Variants in CAB39L observed in about 807,000 individuals in gnomAD.
CAB39L encodes the protein calcium binding protein 39 like, also known as calcium-binding protein 39-like.
Under a neutral mutation model 39.1 loss-of-function variants are expected in CAB39L, and 23 were observed. The ratio of observed to expected loss-of-function variants is 0.59; its 90% CI spans 0.42 to 0.83. The LOEUF is 0.83. CAB39L is among the 40% of genes least tolerant of loss of function. CAB39L has a pLI of 0.00. For synonymous variants in CAB39L, 126 were observed against 137.2 expected, an observed-to-expected ratio of 0.92 and a Z score of 0.57; for missense variants, 366 against 391.9, an observed-to-expected ratio of 0.93 and a Z score of 0.56.
At chr13:49,404,207 T>C (rs1733369295) in intron 3 of CAB39L, among the ~76,000 whole-genome samples, 1 of 152,092 alleles carries the variant, frequency 6.6e-6, no homozygotes, top group South Asian at 2.1e-4. Flanking sequence ...AAAGACTCAG[T>C]AAGGGAAGAG....
intron 9 of CAB39L, among the ~76,000 whole-genome samples, chr13:49,339,194 G>A (rs180733009): frequency 1.0e-3 from 145 of 138,160 alleles, no homozygotes; most frequent in Admixed American, 4.2e-3. Flanking sequence ...ACATTGGCAC[G>A]ATCTTGGCTC....
intron 3 of CAB39L, among the ~76,000 whole-genome samples, chr13:49,423,289 G>A (rs1304393138): frequency 6.6e-6 from 1 of 152,208 alleles, no homozygotes; most frequent in Non-Finnish European, 1.5e-5. Flanking sequence ...CTGGTCCAAT[G>A]ACCACATTTT....
chr13:49,441,232 T>TATATATATATATATAG, intron 1 of CAB39L, among the ~76,000 whole-genome samples: 1 of 135,332 alleles, frequency 7.4e-6, no homozygotes, highest in African/African-American at 2.6e-5. Context: ...TATATATATA[T>TATATATATATATATAG]ATATATATAT....
intron 5 of CAB39L, among the ~76,000 whole-genome samples, chr13:49,370,999 A>C (rs1305768976): frequency 6.6e-6 from 1 of 152,186 alleles, no homozygotes; most frequent in Non-Finnish European, 1.5e-5. Context: ...TATATACACA[A>C]TCAAATAAAA....
At chr13:49,335,235 A>G (rs944005068) in intron 9 of CAB39L, among the ~76,000 whole-genome samples, 2 of 152,228 alleles carry the variant, frequency 1.3e-5, no homozygotes, top group Non-Finnish European at 2.9e-5. Context: ...CTTCAGCAAA[A>G]GGAAAATTTC....
chr13:49,363,816 C>A (rs796165079), intron 5 of CAB39L, among the ~76,000 whole-genome samples: 23 of 145,714 alleles, frequency 1.6e-4, no homozygotes, highest in African/African-American at 5.8e-4. Flanking sequence ...GAGTGAGACC[C>A]TGTCTCAAAA....
rs542602740 is a variant in CAB39L, at chr13:49,434,569, A to G, written c.-245-346T>C. On this transcript the variant is annotated intron_variant, in intron 1 of 10. Coordinates refer to ENST00000409308, the MANE Select transcript of CAB39L (RefSeq NM_001079670.3). ...TTTATGGTTTTGTCCAACAACTATC[A>G]ACATTTTAGGCCAGGTGTACTGGCT... 4.1e-4 allele frequency among the ~76,000 whole-genome samples: 62 copies of G among 152,236 alleles called. 1 individual carries two copies. The South Asian group carries it at 0.013, about 31-fold the overall frequency.
At chr13:49,378,328 C>G (rs1189130952) in intron 4 of CAB39L, among the ~76,000 whole-genome samples, 1 of 75,916 alleles carries the variant, frequency 1.3e-5, no homozygotes, top group Non-Finnish European at 2.7e-5. Context: ...GTCAGCCCCC[C>G]CGACCGGCCA....
At chr13:49,442,806 A>AC (rs1566146218) in intron 1 of CAB39L, among the ~76,000 whole-genome samples, 1 of 147,176 alleles carries the variant, frequency 6.8e-6, no homozygotes, top group Non-Finnish European at 1.5e-5. Context: ...AAAAAAAAAA[A>AC]AAAAAAAAAA....
chr13:49,346,688 C>G (rs1955187927), intron 7 of CAB39L, among the ~76,000 whole-genome samples: 1 of 152,128 alleles, frequency 6.6e-6, no homozygotes, highest in Non-Finnish European at 1.5e-5. Flanking sequence ...GTACCGAGCA[C>G]TTTGCAAATA....
intron 3 of CAB39L, among the ~76,000 whole-genome samples, chr13:49,387,040 G>A (rs545431943): frequency 3.3e-5 from 5 of 152,268 alleles, no homozygotes; most frequent in South Asian, 4.1e-4. Context: ...CACAAGACAC[G>A]TAAACTCCCT....
chr13:49,410,413 TAC>T (rs1285819591), intron 3 of CAB39L, among the ~76,000 whole-genome samples: 1 of 152,246 alleles, frequency 6.6e-6, no homozygotes, highest in Non-Finnish European at 1.5e-5. Context: ...TCCAAGTTTT[TAC>T]AAATTTTCAC....
chr13:49,340,590 A>T (rs1954981063), intron 8 of CAB39L, among the ~76,000 whole-genome samples: 1 of 152,262 alleles, frequency 6.6e-6, no homozygotes, highest in South Asian at 2.1e-4. Flanking sequence ...TTAAAATCAC[A>T]GTAATTATAC....
intron 10 of CAB39L, among the ~76,000 whole-genome samples, chr13:49,320,622 G>A (rs773245975): frequency 4.6e-5 from 7 of 152,068 alleles, no homozygotes; most frequent in African/African-American, 7.2e-5. Flanking sequence ...AGTCTTCTGC[G>A]TTGCTGACCT....
chr13:49,413,969 A>G (rs1328389204), intron 3 of CAB39L: 1 of 108,312 alleles, frequency 9.2e-6, no homozygotes, highest in African/African-American at 3.5e-5. Context: ...CTAAACTGCA[A>G]CAAAACAGAG....
chr13:49,335,083 C>A (rs573694334), intron 9 of CAB39L, among the ~76,000 whole-genome samples: 10 of 152,200 alleles, frequency 6.6e-5, no homozygotes, highest in Admixed American at 6.5e-4. Context: ...GGCTTCCAGA[C>A]CCTCCAAAAA....
rs1163281965 is a variant in CAB39L at position 49,308,999 on chromosome 13, ATGT to A, written c.*1812_*1814del. 1 of 152,214 alleles carries A rather than the reference ATGT, an allele frequency of 6.6e-6. No individual in the cohort carries two copies. The highest frequency in any genetic ancestry group is 1.5e-5 in the Non-Finnish European group (1 of 68,042). 9.4% of individuals were successfully genotyped at this position (152,214 alleles called of 1,614,324 possible). Reference sequence around the variant, plus strand: ...TCCAAAGGAAAACAGACGTCCCAAGATGTTGTGGAACAGTATTAAGTAACCAAA... The same window carrying A: ...TCCAAAGGAAAACAGACGTCCCAAGATGTGGAACAGTATTAAGTAACCAAA... On this transcript the variant is annotated 3_prime_UTR_variant, in exon 11 of 11. Coordinates refer to ENST00000409308, the MANE Select transcript of CAB39L (RefSeq NM_001079670.3).
At chr13:49,425,196 A>G (rs1957225320) in intron 3 of CAB39L, among the ~76,000 whole-genome samples, 1 of 147,326 alleles carries the variant, frequency 6.8e-6, no homozygotes, top group African/African-American at 2.7e-5. Flanking sequence ...AAAAATAACT[A>G]AACAGGAGAA....
intron 1 of CAB39L, among the ~76,000 whole-genome samples, chr13:49,441,174 G>A (rs1957510792): frequency 7.0e-6 from 1 of 142,496 alleles, no homozygotes; most frequent in African/African-American, 2.8e-5. Context: ...ATAATCTCGT[G>A]CAATGTTTTA....
Sources: allele counts gnomAD v4.1 joint callset (sites outside exome capture counted in the v4.1 genomes callset), GRCh38; gene constraint gnomAD v4.1.1; transcripts MANE v1.5; gene names NCBI Gene and HGNC (gene_info 2026-07-23, HGNC 2026-07-21).